The following SGMS2 variants were observed in gnomAD, a reference collection of about 807,000 sequenced individuals.
SGMS2 encodes phosphatidylcholine:ceramide cholinephosphotransferase 2.
SGMS2 carries 21 observed loss-of-function variants against 43.8 expected under a neutral mutation model. That is an observed-to-expected ratio of 0.48 (90% CI 0.34 to 0.69). The LOEUF is 0.69. Among genes scored for constraint, SGMS2 ranks in the 30% least tolerant of loss-of-function variants. The pLI, the probability that SGMS2 is intolerant of heterozygous loss-of-function variation, is 0.01. For missense variants in SGMS2, 384 were observed against 443.2 expected (o/e 0.87, Z 1.20); for synonymous variants, 167 against 160.6 (o/e 1.04, Z -0.30).
intron 1 of SGMS2, among the ~76,000 whole-genome samples, chr4:107,850,747 C>T (rs1029700418): frequency 6.6e-6 from 1 of 152,178 alleles, no homozygotes; most frequent in East Asian, 1.9e-4. Flanking sequence ...ATCACCATCC[C>T]GTTTTGTGAC....
intron 4 of SGMS2, among the ~76,000 whole-genome samples, chr4:107,900,364 A>G (rs748770621): frequency 2.0e-5 from 3 of 152,218 alleles, no homozygotes; most frequent in Non-Finnish European, 4.4e-5. Flanking sequence ...TGTGCAGACC[A>G]CAGATCACAT....
intron 3 of SGMS2, among the ~76,000 whole-genome samples, chr4:107,897,873 C>T (rs903179679): frequency 3.5e-4 from 54 of 152,128 alleles, no homozygotes; most frequent in Non-Finnish European, 3.4e-4. Context: ...AAGCACCTTT[C>T]AAAGCTATGG....
At chr4:107,877,917 T>TTC (rs201464266) in intron 2 of SGMS2, among the ~76,000 whole-genome samples, 21 of 137,556 alleles carry the variant, frequency 1.5e-4, no homozygotes, top group Admixed American at 3.0e-4. Context: ...TCTTTTCTTT[T>TTC]TTTTTTTTTT....
intron 1 of SGMS2, among the ~76,000 whole-genome samples, chr4:107,839,592 T>C (rs1726388932): frequency 6.6e-6 from 1 of 152,188 alleles, no homozygotes; most frequent in South Asian, 2.1e-4. Context: ...TTAATGTTAC[T>C]GGAGACCGTG....
rs866853029 is a variant in SGMS2 at position 107,829,313 on chromosome 4, T to G, written c.-327+4060T>G. Among the ~76,000 whole-genome samples the G allele has an allele frequency of 2.0e-5, 3 of 152,242 alleles. No individual in the cohort carries two copies. In the South Asian group the frequency reaches 6.2e-4, roughly 31 times the overall value. On this transcript the variant is annotated intron_variant, in intron 1 of 6. Coordinates refer to ENST00000690982, the MANE Select transcript of SGMS2 (RefSeq NM_001375905.1). The stretch of plus-strand genomic sequence containing the variant: ...TACAATAATATCACATCTTTGCTAC[T>G]CTGAGTCAAAATTTTAGTTTTTCAT...
At chr4:107,886,529 A>G (rs1729766939) in intron 2 of SGMS2, 1 of 151,894 alleles carries the variant, frequency 6.6e-6, no homozygotes, top group South Asian at 2.1e-4. Flanking sequence ...ATCTCCTCAG[A>G]TAAGACTTTT....
chr4:107,906,978 G>A (rs1018226011), intron 5 of SGMS2, among the ~76,000 whole-genome samples: 1 of 152,066 alleles, frequency 6.6e-6, no homozygotes, highest in Non-Finnish European at 1.5e-5. Context: ...GCTGGGAAAC[G>A]CATATTTAGT....
In SGMS2 at chr4:107,825,027, TCGGGGGCGGCGGCCG is replaced by T. The variant is rs925610193; in HGVS notation, c.-548_-534del. The T allele has an allele frequency of 1.3e-5, 2 of 151,662 alleles. No individual in the cohort carries two copies. Among genetic ancestry groups the T allele is most frequent in the African/African-American group, 4.8e-5 (2 of 41,280 alleles). 9.4% of individuals were successfully genotyped at this position (151,662 alleles called of 1,614,324 possible). A position where few individuals can be genotyped will look rare whatever the true frequency, so the allele number is the denominator to read the frequency against. On this transcript the variant is annotated 5_prime_UTR_variant, in exon 1 of 7. Coordinates refer to ENST00000690982, the MANE Select transcript of SGMS2 (RefSeq NM_001375905.1). The stretch of plus-strand genomic sequence containing the variant: ...TGCTGCAGCGCCGCCGAGTGCGGCC[TCGGGGGCGGCGGCCG>T]CGGGAGGGACCCGGAGAGCTGCTTC...
chr4:107,860,754 A>T (rs1018618455), intron 2 of SGMS2, among the ~76,000 whole-genome samples: 2 of 152,080 alleles, frequency 1.3e-5, no homozygotes, highest in Non-Finnish European at 2.9e-5. Context: ...CGAACTCCTG[A>T]CCTCAGGTAA....
chr4:107,854,020 A>G (rs1416843165), intron 1 of SGMS2, among the ~76,000 whole-genome samples: 2 of 152,210 alleles, frequency 1.3e-5, no homozygotes, highest in Non-Finnish European at 2.9e-5. Flanking sequence ...CTCTTTAGCA[A>G]TACTCCATAG....
intron 1 of SGMS2, among the ~76,000 whole-genome samples, chr4:107,851,328 A>G (rs1393739599): frequency 1.3e-5 from 2 of 152,204 alleles, no homozygotes; most frequent in Non-Finnish European, 2.9e-5. Context: ...AGAGGAGGCT[A>G]GAGTAAGCAA....
intron 1 of SGMS2, among the ~76,000 whole-genome samples, chr4:107,832,992 C>T (rs1488425098): frequency 6.6e-6 from 1 of 152,164 alleles, no homozygotes; most frequent in Admixed American, 6.5e-5. Context: ...TGCACCACAG[C>T]ACTCCAGCCT....
At chr4:107,829,746 A>AT (rs1241590832) in intron 1 of SGMS2, among the ~76,000 whole-genome samples, 1 of 151,820 alleles carries the variant, frequency 6.6e-6, no homozygotes, top group Non-Finnish European at 1.5e-5. Flanking sequence ...TTATTCTTTT[A>AT]TTTTTTTAAA....
chr4:107,859,330 T>C (rs1380015881), intron 2 of SGMS2, among the ~76,000 whole-genome samples: 1 of 152,140 alleles, frequency 6.6e-6, no homozygotes, highest in Non-Finnish European at 1.5e-5. Context: ...TACCCTAAGA[T>C]AGACACCAGG....
intron 2 of SGMS2, among the ~76,000 whole-genome samples, chr4:107,869,399 A>G (rs1292595864): frequency 6.6e-6 from 1 of 152,178 alleles, no homozygotes; most frequent in African/African-American, 2.4e-5. Flanking sequence ...TGTGAAATAA[A>G]CAGAAATTCA....
At chr4:107,844,338 T>C (rs1419870864) in intron 1 of SGMS2, among the ~76,000 whole-genome samples, 2 of 151,034 alleles carry the variant, frequency 1.3e-5, no homozygotes, top group Admixed American at 1.3e-4. Flanking sequence ...AAAAAAATGC[T>C]CTTTTTAAAA....
chr4:107,860,016 A>G (rs1727637501), intron 2 of SGMS2, among the ~76,000 whole-genome samples: 1 of 152,008 alleles, frequency 6.6e-6, no homozygotes, highest in East Asian at 1.9e-4. Context: ...CTTTTTAAGT[A>G]TACCATTTTC....
chr4:107,876,773 T>C (rs955291064), intron 2 of SGMS2, among the ~76,000 whole-genome samples: 24 of 152,356 alleles, frequency 1.6e-4, no homozygotes, highest in African/African-American at 5.5e-4. Flanking sequence ...AGATTATGTT[T>C]CCAAATCTAG....
chr4:107,895,822 T>C lies in SGMS2; in HGVS notation c.269T>C (p.Leu90Pro). ...GCCTTCATATATGCAGTTTTCAACC[T>C]CGTCTTGACAACCGTCATGATCACA... is the stretch of plus-strand genomic sequence containing the variant. The part of the protein sequence containing the change: ...GIAFIYAVFN[L>P]VLTTVMITVV... The change falls in exon 3 of 7, where the codon CTC (leucine) becomes CCC (proline). Residue 90 changes from leucine to proline, a missense_variant. By Grantham distance (98) the Leu-to-Pro change is moderately conservative. Transcript: ENST00000690982. The C allele has an allele frequency of 1.2e-6, 2 of 1,614,008 alleles. No individual in the cohort carries two copies. Among genetic ancestry groups the C allele is most frequent in the Non-Finnish European group, 1.7e-6 (2 of 1,179,944 alleles).
Sources: gnomAD v4.1 joint callset for allele counts (sites outside exome capture counted in the v4.1 genomes callset) on GRCh38, gnomAD v4.1.1 for gene constraint, MANE v1.5 for transcripts, NCBI Gene and HGNC (gene_info 2026-07-23, HGNC 2026-07-21) for gene names.